SMIM14: variants seen among roughly 807,000 people sequenced by gnomAD.
SMIM14 encodes small integral membrane protein 14.
SMIM14 carries 5 observed loss-of-function variants against 12.6 expected under a neutral mutation model. The observed-to-expected ratio is 0.40, with a 90% CI of 0.21 to 0.83. The LOEUF (loss-of-function observed/expected upper bound fraction) is 0.83. SMIM14 is among the 40% of genes least tolerant of loss of function. The probability of loss-of-function intolerance (pLI) is 0.37; values close to 1 mark genes in which losing one functional copy is unlikely to be tolerated. For missense variants in SMIM14, 86 were observed against 119.1 expected (o/e 0.72, Z 1.29); for synonymous variants, 30 against 40.1 (o/e 0.75, Z 0.95).
intron 1 of SMIM14, among the ~76,000 whole-genome samples, chr4:39,623,992 A>G (rs932083821): frequency 6.6e-6 from 1 of 152,216 alleles, no homozygotes; most frequent in Non-Finnish European, 1.5e-5. Flanking sequence ...GTATGCAATT[A>G]GTTTTTACAT....
At chr4:39,614,907 T>A (rs779429241) in intron 1 of SMIM14, among the ~76,000 whole-genome samples, 2 of 152,166 alleles carry the variant, frequency 1.3e-5, no homozygotes, top group Non-Finnish European at 2.9e-5. Flanking sequence ...CCTCTACAAC[T>A]AATACAACCT....
intron 3 of SMIM14, among the ~76,000 whole-genome samples, chr4:39,561,477 C>T (rs990977596): frequency 6.6e-6 from 1 of 152,020 alleles, no homozygotes; most frequent in Non-Finnish European, 1.5e-5. Context: ...TCCCAAAGAG[C>T]TGAGATTACA....
At chr4:39,596,576 C>G (rs1296209839) in intron 2 of SMIM14, among the ~76,000 whole-genome samples, 1 of 152,178 alleles carries the variant, frequency 6.6e-6, no homozygotes, top group African/African-American at 2.4e-5. Context: ...AATCCTAGTA[C>G]TTACATTAGA....
At chr4:39,621,686 C>CTTTTTTT (rs57206633) in intron 1 of SMIM14, among the ~76,000 whole-genome samples, 3 of 105,448 alleles carry the variant, frequency 2.8e-5, no homozygotes, top group Non-Finnish European at 5.7e-5. Flanking sequence ...CCAAACGTTT[C>CTTTTTTT]TTTTTTTTTT....
chr4:39,589,031 A>G (rs2110034948), intron 2 of SMIM14, among the ~76,000 whole-genome samples: 1 of 152,308 alleles, frequency 6.6e-6, no homozygotes, highest in East Asian at 1.9e-4. Context: ...ATAAAAAGGA[A>G]TCTGACCAAG....
intron 3 of SMIM14, among the ~76,000 whole-genome samples, chr4:39,571,222 G>T (rs1712863326): frequency 6.6e-6 from 1 of 152,002 alleles, no homozygotes. Flanking sequence ...CAGAGCCAAA[G>T]GAATGAACTC....
At position 39,609,813 on chromosome 4, in the gene SMIM14, G is replaced by A. The variant is rs191995131; in HGVS notation, c.-35-4633C>T. Among the ~76,000 whole-genome samples, 4 of 152,288 alleles carry A rather than the reference G, an allele frequency of 2.6e-5. No individual in the cohort carries two copies. The South Asian group carries it at 6.2e-4, about 24-fold the overall frequency. Reference sequence around the variant, plus strand: ...AAAAGGGAAGCCACAGTAGGTAGAGGGAACCTAGTTAAAATGCTCTTTCAA... The same window carrying A: ...AAAAGGGAAGCCACAGTAGGTAGAGAGAACCTAGTTAAAATGCTCTTTCAA... On this transcript the variant is annotated intron_variant, in intron 1 of 4. Transcript: ENST00000295958.
chr4:39,625,652 G>A (rs1715670312), intron 1 of SMIM14, among the ~76,000 whole-genome samples: 1 of 152,106 alleles, frequency 6.6e-6, no homozygotes, highest in Admixed American at 6.6e-5. Context: ...TGTTGGTCAG[G>A]CTGGTCTCAA....
At chr4:39,577,854 T>C (rs1713285290) in intron 2 of SMIM14, among the ~76,000 whole-genome samples, 1 of 152,168 alleles carries the variant, frequency 6.6e-6, no homozygotes, top group African/African-American at 2.4e-5. Context: ...CTACGGTAAG[T>C]CTTTGGGACA....
In SMIM14 at chr4:39,605,051, A is replaced by G. The variant is rs73240623; in HGVS notation, c.75+20T>C. 7 of 1,454,316 alleles carry G rather than the reference A, an allele frequency of 4.8e-6. No individual in the cohort carries two copies. The highest frequency in any genetic ancestry group is 6.7e-6 in the Non-Finnish European group (7 of 1,039,714). The allele number at this position is 1,454,316 out of a possible 1,614,324, so 90.1% of individuals were successfully genotyped here. ...GGGATACAGATCAGTTCAGAATAGG[A>G]TTGTCCTGTTGCATCTCACCAGATT... On this transcript the variant is annotated intron_variant, in intron 2 of 4. Coordinates refer to ENST00000295958, the MANE Select transcript of SMIM14 (RefSeq NM_174921.3).
At chr4:39,569,326 T>G (rs1712743012) in intron 3 of SMIM14, among the ~76,000 whole-genome samples, 3 of 152,202 alleles carry the variant, frequency 2.0e-5, no homozygotes, top group Admixed American at 1.3e-4. Context: ...CTGTTATATC[T>G]GTGGAATTTG....
At chr4:39,615,127 G>A (rs149319793) in intron 1 of SMIM14, among the ~76,000 whole-genome samples, 1 of 152,086 alleles carries the variant, frequency 6.6e-6, no homozygotes, top group Non-Finnish European at 1.5e-5. Flanking sequence ...TAGAGACAGG[G>A]TCTTGCTGTG....
At chr4:39,607,588 C>G (rs28520228) in intron 1 of SMIM14, among the ~76,000 whole-genome samples, 1,835 of 152,190 alleles carry the variant, frequency 0.012, 30 homozygotes, top group African/African-American at 0.042. Flanking sequence ...GACCTCATCT[C>G]TGTAAAAATA....
rs1277432731 is a variant in SMIM14 at position 39,550,022 on chromosome 4, A to T, written c.*2104T>A. The T allele has an allele frequency of 6.6e-6, 1 of 152,210 alleles. No homozygotes were observed. Among genetic ancestry groups the T allele is most frequent in the Non-Finnish European group, 1.5e-5 (1 of 68,024 alleles). 9.4% of individuals were successfully genotyped at this position (152,210 alleles called of 1,614,324 possible). A position where few individuals can be genotyped will look rare whatever the true frequency, so the allele number is the denominator to read the frequency against. On this transcript the variant is annotated 3_prime_UTR_variant, in exon 5 of 5. Coordinates refer to ENST00000295958, the MANE Select transcript of SMIM14 (RefSeq NM_174921.3). ...AAAAGATGCCCTTACAATGTTTATGATCTAGAATGTAATCATAATAAAGGG... is the reference window on the plus strand; with the variant it reads ...AAAAGATGCCCTTACAATGTTTATGTTCTAGAATGTAATCATAATAAAGGG...
intron 1 of SMIM14, among the ~76,000 whole-genome samples, chr4:39,615,593 A>T (rs1039299126): frequency 6.6e-6 from 1 of 152,168 alleles, no homozygotes; most frequent in Non-Finnish European, 1.5e-5. Flanking sequence ...CTGGTGTCGG[A>T]TAGTAGGGAA....
chr4:39,571,414 CA>C (rs956094252), intron 3 of SMIM14, among the ~76,000 whole-genome samples: 1 of 151,836 alleles, frequency 6.6e-6, no homozygotes, highest in South Asian at 2.1e-4. Flanking sequence ...CGTGACTCTA[CA>C]AAAAATTCTA....
intron 3 of SMIM14, among the ~76,000 whole-genome samples, chr4:39,563,054 C>T (rs1268009145): frequency 6.6e-6 from 1 of 151,812 alleles, no homozygotes; most frequent in African/African-American, 2.4e-5. Flanking sequence ...CACCCCCATA[C>T]CTCTTCTTTT....
intron 2 of SMIM14, among the ~76,000 whole-genome samples, chr4:39,575,186 T>C (rs1560288955): frequency 1.3e-5 from 2 of 148,990 alleles, no homozygotes; most frequent in African/African-American, 2.5e-5. Flanking sequence ...GCCTCCCAAG[T>C]AGCTGGGACT....
chr4:39,569,600 G>A (rs939440296), intron 3 of SMIM14, among the ~76,000 whole-genome samples: 19 of 152,034 alleles, frequency 1.2e-4, no homozygotes, highest in African/African-American at 2.4e-4. Flanking sequence ...AGCCAGGCAC[G>A]GTGGCTCATG....
Sources: allele counts gnomAD v4.1 joint callset (sites outside exome capture counted in the v4.1 genomes callset), GRCh38; gene constraint gnomAD v4.1.1; transcripts MANE v1.5; gene names NCBI Gene and HGNC (gene_info 2026-07-23, HGNC 2026-07-21).